Variants in CNTNAP4 observed in about 807,000 individuals in gnomAD.
CNTNAP4 encodes the protein contactin associated protein family member 4.
In CNTNAP4, 98 loss-of-function variants were observed where a neutral mutation model predicts 148.4. That is an observed-to-expected ratio of 0.66 (90% CI 0.56 to 0.78). The LOEUF (loss-of-function observed/expected upper bound fraction) is 0.78. Ranked by LOEUF, CNTNAP4 falls within the 30% of genes least tolerant of loss-of-function variation. The probability of loss-of-function intolerance (pLI) is 0.00; values close to 1 mark genes in which losing one functional copy is unlikely to be tolerated. For synonymous variants in CNTNAP4, 730 were observed against 565.1 expected (o/e 1.29, Z -4.14); for missense variants, 1,935 against 1,565.6 (o/e 1.24, Z -3.98).
At chr16:76,308,705 G>A (rs1960765090) in intron 1 of CNTNAP4, among the ~76,000 whole-genome samples, 1 of 152,202 alleles carries the variant, frequency 6.6e-6, no homozygotes, top group Non-Finnish European at 1.5e-5. Context: ...CACAATCATG[G>A]GAAATTTGAC....
At chr16:76,362,367 C>T (rs1325930521) in intron 3 of CNTNAP4, among the ~76,000 whole-genome samples, 2 of 152,094 alleles carry the variant, frequency 1.3e-5, no homozygotes, top group Non-Finnish European at 2.9e-5. Context: ...CTATCAAAAT[C>T]CCAGTGGCAT....
At chr16:76,531,017 C>T (rs1277949366) in intron 17 of CNTNAP4, among the ~76,000 whole-genome samples, 1 of 152,152 alleles carries the variant, frequency 6.6e-6, no homozygotes, top group Non-Finnish European at 1.5e-5. Flanking sequence ...GAGGCTTTGC[C>T]TGTTTTTCTT....
chr16:76,496,994 A>G (rs2082421993), intron 14 of CNTNAP4, among the ~76,000 whole-genome samples: 1 of 152,192 alleles, frequency 6.6e-6, no homozygotes, highest in African/African-American at 2.4e-5. Context: ...TATGGAACCA[A>G]AGGTAAATTT....
rs140885788 is a variant in CNTNAP4 at position 76,498,788 on chromosome 16, C to G, written c.2365+94C>G. On this transcript the variant is annotated intron_variant, in intron 15 of 23. Transcript: ENST00000611870. The stretch of plus-strand genomic sequence containing the variant: ...GCATCACGTTTCTATCATATAATAA[C>G]TAATCAGACTTCTATTGTGAACATT... 1,072 of 1,216,482 alleles carry G rather than the reference C, an allele frequency of 8.8e-4. 28 individuals carry two copies. In the East Asian group the frequency reaches 0.028, roughly 32 times the overall value. The allele number at this position is 1,216,482 out of a possible 1,614,324, so 75.4% of individuals were successfully genotyped here.
At chr16:76,342,195 C>A (rs1042607844) in intron 2 of CNTNAP4, among the ~76,000 whole-genome samples, 1 of 152,144 alleles carries the variant, frequency 6.6e-6, no homozygotes, top group African/African-American at 2.4e-5. Flanking sequence ...CCCTGGCTGT[C>A]ATATTGTCCC....
At chr16:76,556,330 A>C (rs2085197743) in intron 23 of CNTNAP4, among the ~76,000 whole-genome samples, 1 of 152,196 alleles carries the variant, frequency 6.6e-6, no homozygotes, top group African/African-American at 2.4e-5. Flanking sequence ...GAGGCTGGCC[A>C]CATTTTATTC....
chr16:76,313,734 T>C (rs140453872), intron 1 of CNTNAP4, among the ~76,000 whole-genome samples: 26 of 152,272 alleles, frequency 1.7e-4, no homozygotes, highest in Non-Finnish European at 2.9e-4. Flanking sequence ...GGAAAGGCAT[T>C]CAAGAACAAA....
At chr16:76,363,247 C>G (rs912515909) in intron 3 of CNTNAP4, among the ~76,000 whole-genome samples, 6 of 150,328 alleles carry the variant, frequency 4.0e-5, no homozygotes, top group Non-Finnish European at 1.5e-5. Flanking sequence ...ATTGCAACTT[C>G]TGCCTCCTGG....
At chr16:76,406,613 A>G (rs1380180677) in intron 3 of CNTNAP4, among the ~76,000 whole-genome samples, 1 of 152,172 alleles carries the variant, frequency 6.6e-6, no homozygotes, top group Non-Finnish European at 1.5e-5. Flanking sequence ...AAAAAGTGCT[A>G]CTTCAGTGAA....
chr16:76,468,077 C>G (rs1252443892), intron 10 of CNTNAP4, among the ~76,000 whole-genome samples: 1 of 152,110 alleles, frequency 6.6e-6, no homozygotes, highest in Non-Finnish European at 1.5e-5. Flanking sequence ...TGGTATTGAT[C>G]AAGGTATAAG....
At chr16:76,353,631 C>T (rs764536161) in intron 2 of CNTNAP4, among the ~76,000 whole-genome samples, 13 of 152,100 alleles carry the variant, frequency 8.5e-5, no homozygotes, top group Non-Finnish European at 1.5e-5. Context: ...ACAGGAAGCC[C>T]ACCAAGCCTA....
At chr16:76,418,106 C>G (rs980411184) in intron 3 of CNTNAP4, among the ~76,000 whole-genome samples, 2 of 151,494 alleles carry the variant, frequency 1.3e-5, no homozygotes, top group African/African-American at 2.4e-5. Context: ...TTTTAATCTT[C>G]ATGTTTATTC....
At chr16:76,413,221 C>T (rs796864688) in intron 3 of CNTNAP4, among the ~76,000 whole-genome samples, 9 of 151,348 alleles carry the variant, frequency 5.9e-5, no homozygotes, top group African/African-American at 2.2e-4. Flanking sequence ...TTTGTTTGTA[C>T]CCGTTAACCA....
At chr16:76,467,869 T>C (rs184825068) in intron 10 of CNTNAP4, among the ~76,000 whole-genome samples, 7 of 152,298 alleles carry the variant, frequency 4.6e-5, no homozygotes, top group African/African-American at 1.7e-4. Context: ...AACAGTAAAA[T>C]TGATCATCAG....
At chr16:76,492,414 A>G (rs1316589593) in intron 13 of CNTNAP4, among the ~76,000 whole-genome samples, 1 of 152,230 alleles carries the variant, frequency 6.6e-6, no homozygotes, top group East Asian at 1.9e-4. Context: ...TGAAAAATAA[A>G]ATGTAAGAAA....
chr16:76,288,254 A>C (rs1044973598), intron 1 of CNTNAP4, among the ~76,000 whole-genome samples: 3 of 151,964 alleles, frequency 2.0e-5, no homozygotes, highest in Admixed American at 1.3e-4. Context: ...CCGTGATTTT[A>C]AGTTTCCTGA....
intron 15 of CNTNAP4, among the ~76,000 whole-genome samples, chr16:76,520,414 G>C (rs1002853995): frequency 6.6e-6 from 1 of 152,062 alleles, no homozygotes; most frequent in African/African-American, 2.4e-5. Flanking sequence ...ATTTTTTTCA[G>C]ATCTCTTAAT....
At chr16:76,390,348 T>C (rs1158623627) in intron 3 of CNTNAP4, among the ~76,000 whole-genome samples, 1 of 152,220 alleles carries the variant, frequency 6.6e-6, no homozygotes, top group Non-Finnish European at 1.5e-5. Context: ...TCAGTTCTTT[T>C]CTTTATCCTT....
At chr16:76,337,318 A>G (rs1964104863) in intron 2 of CNTNAP4, among the ~76,000 whole-genome samples, 1 of 152,126 alleles carries the variant, frequency 6.6e-6, no homozygotes, top group African/African-American at 2.4e-5. Context: ...TATTTTCCCT[A>G]AATGTCAGCC....
Sources: allele counts gnomAD v4.1 joint callset (sites outside exome capture counted in the v4.1 genomes callset), GRCh38; gene constraint gnomAD v4.1.1; transcripts MANE v1.5; gene names NCBI Gene and HGNC (gene_info 2026-07-23, HGNC 2026-07-21).